The following DST variants were observed in gnomAD, a reference collection of about 807,000 sequenced individuals.
DST encodes dystonin, also known as bullous pemphigoid antigen.
A neutral mutation model predicts 875.2 loss-of-function variants in DST; 253 were observed. That is an observed-to-expected ratio of 0.29 (90% CI 0.26 to 0.32). The LOEUF is 0.32. DST is among the 10% of genes least tolerant of loss of function. DST has a pLI of 1.00. For synonymous variants in DST, 3,124 were observed against 3,197.1 expected, an observed-to-expected ratio of 0.98 and a Z score of 0.77; for missense variants, 8,287 against 9,111.6, an observed-to-expected ratio of 0.91 and a Z score of 3.68.
chr6:56,879,440 C>T (rs879566923), intron 3 of DST, among the ~76,000 whole-genome samples: 2 of 150,694 alleles, frequency 1.3e-5, no homozygotes, highest in African/African-American at 2.5e-5. Flanking sequence ...CACTGCACTC[C>T]ACCCTGGGAG....
At position 56,464,562 on chromosome 6, in the gene DST, A is replaced by G. The variant is rs1035031163; in HGVS notation, c.22759+123T>C. The G allele has an allele frequency of 2.7e-5, 19 of 707,852 alleles. No individual in the cohort carries two copies. In the African/African-American group the frequency reaches 3.2e-4, roughly 12 times the overall value. 43.8% of individuals were successfully genotyped at this position (707,852 alleles called of 1,614,324 possible). A position where few individuals can be genotyped will look rare whatever the true frequency, so the allele number is the denominator to read the frequency against. On this transcript the variant is annotated intron_variant, in intron 100 of 103. Transcript: ENST00000680361. ...AATTTGGAAGCACCAGCTCAGCTGGATATGAGTTAAGCCATACGCGATGGA... is the reference window on the plus strand; with the variant it reads ...AATTTGGAAGCACCAGCTCAGCTGGGTATGAGTTAAGCCATACGCGATGGA...
intron 9 of DST, among the ~76,000 whole-genome samples, chr6:56,698,050 C>T (rs2099273467): frequency 6.6e-6 from 1 of 152,198 alleles, no homozygotes. Context: ...CTGGCTCTCC[C>T]TGACATTAAC....
chr6:56,708,552 T>A (rs867264930), intron 5 of DST, among the ~76,000 whole-genome samples: 4 of 152,122 alleles, frequency 2.6e-5, no homozygotes, highest in Non-Finnish European at 1.5e-5. Flanking sequence ...ATATAAGATA[T>A]CATTTTCCGA....
chr6:56,619,209 G>T (rs2098662036), intron 36 of DST: 1 of 1,613,786 alleles, frequency 6.2e-7, no homozygotes, highest in African/African-American at 1.3e-5. Context: ...TCACATCTTT[G>T]CTGGATAGTT....
At chr6:56,723,890 G>C (rs553846193) in intron 5 of DST, among the ~76,000 whole-genome samples, 259 of 152,286 alleles carry the variant, frequency 1.7e-3, no homozygotes, top group African/African-American at 6.0e-3. Context: ...TTTGGCAAAT[G>C]AAACCTTCCT....
intron 5 of DST, among the ~76,000 whole-genome samples, chr6:56,730,241 C>A (rs78839808): frequency 6.6e-6 from 1 of 151,628 alleles, no homozygotes; most frequent in Admixed American, 6.5e-5. Context: ...TAAACTACTC[C>A]TCCTAAACAC....
intron 9 of DST, among the ~76,000 whole-genome samples, chr6:56,698,671 T>C (rs2099277321): frequency 6.6e-6 from 1 of 152,192 alleles, no homozygotes; most frequent in African/African-American, 2.4e-5. Flanking sequence ...AAACCCCAGG[T>C]CCTTTTTGAA....
rs115162455 is a variant in DST at position 56,718,850 on chromosome 6, G to C, written c.688-14481C>G. Among the ~76,000 whole-genome samples, 1,495 of 152,294 alleles carry C rather than the reference G, an allele frequency of 9.8e-3. 21 individuals carry two copies. Among genetic ancestry groups the C allele is most frequent in the African/African-American group, 0.034 (1,401 of 41,544 alleles). On this transcript the variant is annotated intron_variant, in intron 5 of 103. Coordinates refer to ENST00000680361, the MANE Select transcript of DST (RefSeq NM_001374736.1). ...CTGTTTATGTGAAATATCCAGAAAA[G>C]ACAAATCCATTGATACGGAAACTTT...
chr6:56,477,324 G>T, intron 91 of DST, 21 bp downstream of exon 91: 1 of 1,608,406 alleles, frequency 6.2e-7, no homozygotes, highest in Non-Finnish European at 8.5e-7. Context: ...CTACTCTGAA[G>T]ATTATCTGAG....
chr6:56,817,711 A>C (rs2099768235), intron 4 of DST, among the ~76,000 whole-genome samples: 1 of 152,204 alleles, frequency 6.6e-6, no homozygotes. Context: ...CCTGGTCTCC[A>C]TTATGATAAA....
At chr6:56,662,967 A>G (rs1203196556) in intron 10 of DST, among the ~76,000 whole-genome samples, 2 of 152,140 alleles carry the variant, frequency 1.3e-5, no homozygotes, top group Non-Finnish European at 2.9e-5. Context: ...ACAAAACAGA[A>G]CAAAACAAAA....
intron 4 of DST, among the ~76,000 whole-genome samples, chr6:56,749,293 G>GCA (rs1296529413): frequency 5.3e-5 from 8 of 152,148 alleles, no homozygotes; most frequent in African/African-American, 1.7e-4. Context: ...GGCAGAGGTT[G>GCA]CAGTGAGACG....
intron 2 of DST, among the ~76,000 whole-genome samples, chr6:56,911,387 A>G: frequency 6.6e-6 from 1 of 152,160 alleles, no homozygotes; most frequent in East Asian, 1.9e-4. Context: ...CCAAACTTTG[A>G]GTAACAAGGA....
chr6:56,585,835 C>A (rs992398827), intron 49 of DST, among the ~76,000 whole-genome samples: 17 of 151,996 alleles, frequency 1.1e-4, no homozygotes, highest in Non-Finnish European at 1.8e-4. Context: ...TTTATTTCTG[C>A]CTTCATTTCG....
chr6:56,749,728 A>G (rs866287708), intron 4 of DST, among the ~76,000 whole-genome samples: 2 of 152,338 alleles, frequency 1.3e-5, no homozygotes, highest in Middle Eastern at 3.4e-3. Flanking sequence ...TCATTCCTAT[A>G]ATAGAACAGG....
chr6:56,868,022 T>G (rs776816576), intron 3 of DST, among the ~76,000 whole-genome samples: 1 of 152,204 alleles, frequency 6.6e-6, no homozygotes, highest in Admixed American at 6.5e-5. Context: ...TCTTTAATAC[T>G]CCCATAAATT....
rs1259801054 is a variant in DST, at chr6:56,717,249, G to A, written c.688-12880C>T. On this transcript the variant is annotated intron_variant, in intron 5 of 103. Transcript: ENST00000680361. ...AGCATGCAACCTACATCCCTGGCAA[G>A]CACAGTTCACAATAGGGTTCACACT... 3.9e-5 allele frequency among the ~76,000 whole-genome samples: 6 copies of A among 152,086 alleles called. No individual in the cohort carries two copies. In the South Asian group the frequency reaches 1.2e-3, roughly 32 times the overall value.
chr6:56,524,922 G>A (rs1325594224), intron 69 of DST, among the ~76,000 whole-genome samples: 3 of 150,654 alleles, frequency 2.0e-5, no homozygotes, highest in African/African-American at 2.4e-5. Context: ...AATTCTATCA[G>A]AAAAAAAAAA....
chr6:56,537,358 T>C (rs375643102), intron 61 of DST, among the ~76,000 whole-genome samples: 6 of 152,322 alleles, frequency 3.9e-5, no homozygotes, highest in East Asian at 1.9e-4. Context: ...AAGGCAATCC[T>C]AATAGGCTCT....
Sources: allele counts gnomAD v4.1 joint callset (sites outside exome capture counted in the v4.1 genomes callset), GRCh38; gene constraint gnomAD v4.1.1; transcripts MANE v1.5; gene names NCBI Gene and HGNC (gene_info 2026-07-23, HGNC 2026-07-21).